The following C8orf34 variants were observed in gnomAD, a reference collection of about 807,000 sequenced individuals.
C8orf34 encodes chromosome 8 open reading frame 34.
C8orf34 carries 65 observed loss-of-function variants against 68.3 expected under a neutral mutation model. The ratio of observed to expected loss-of-function variants is 0.95; its 90% CI spans 0.78 to 1.17. The LOEUF (loss-of-function observed/expected upper bound fraction) is 1.17. C8orf34 is among the 50% of genes most tolerant of loss of function. C8orf34 has a pLI of 0.00. For missense variants in C8orf34, 664 were observed against 655.4 expected (o/e 1.01, Z -0.14); for synonymous variants, 244 against 241.2 (o/e 1.01, Z -0.11).
chr8:68,513,769 T>C (rs7821782), intron 5 of C8orf34, among the ~76,000 whole-genome samples: 26,984 of 152,132 alleles, frequency 0.18, 5,048 homozygotes, highest in African/African-American at 0.47. Flanking sequence ...AACCAGCCAG[T>C]TGGCTGTGTG....
intron 7 of C8orf34, among the ~76,000 whole-genome samples, chr8:68,573,524 C>A (rs763085310): frequency 6.6e-6 from 1 of 152,102 alleles, no homozygotes; most frequent in Admixed American, 6.6e-5. Flanking sequence ...GAGATTTATT[C>A]GTTGTACTAA....
chr8:68,731,463 G>A (rs576668320), intron 10 of C8orf34, among the ~76,000 whole-genome samples: 1 of 152,198 alleles, frequency 6.6e-6, no homozygotes, highest in Admixed American at 6.5e-5. Context: ...TGTTTATATT[G>A]AAAGGATGTT....
chr8:68,439,392 A>G (rs1810800712), intron 1 of C8orf34, 107 bp from the exon 2 acceptor site: 3 of 973,324 alleles, frequency 3.1e-6, no homozygotes, highest in South Asian at 3.5e-5. Flanking sequence ...GTTGCTGTAT[A>G]TAAAGCAGTT....
chr8:68,465,264 C>G (rs1191704305), intron 3 of C8orf34, among the ~76,000 whole-genome samples: 2 of 151,530 alleles, frequency 1.3e-5, no homozygotes, highest in Non-Finnish European at 2.9e-5. Context: ...CCATCTCACA[C>G]CAGTTAGAAT....
At position 68,373,075 on chromosome 8, in the gene C8orf34, A is replaced by G. The variant is rs547882878; in HGVS notation, c.327+41736A>G. Among the ~76,000 whole-genome samples, 10 of 152,246 alleles carry G rather than the reference A, an allele frequency of 6.6e-5. No homozygotes were observed. The East Asian group carries it at 1.9e-3, about 29-fold the overall frequency. ...CAATGGCGCAATCTCAGCTCACTGC[A>G]ACCTCCACCTCCTGCATTCAATCAA... On this transcript the variant is annotated intron_variant, in intron 1 of 13. Transcript: ENST00000518698.
chr8:68,430,338 G>A (rs1385945078), intron 1 of C8orf34, among the ~76,000 whole-genome samples: 2 of 152,068 alleles, frequency 1.3e-5, no homozygotes, highest in Non-Finnish European at 2.9e-5. Context: ...TCTTTATCTG[G>A]ATGTTCACTT....
intron 8 of C8orf34, among the ~76,000 whole-genome samples, chr8:68,703,188 C>T (rs773530769): frequency 1.3e-5 from 2 of 152,130 alleles, no homozygotes; most frequent in Non-Finnish European, 2.9e-5. Context: ...ATCATAGGCT[C>T]TGTGATAGGT....
chr8:68,554,317 A>G (rs1816181960), intron 7 of C8orf34, among the ~76,000 whole-genome samples: 1 of 152,078 alleles, frequency 6.6e-6, no homozygotes, highest in Non-Finnish European at 1.5e-5. Context: ...CTTCTGTGAG[A>G]AATTTTGCTT....
In C8orf34 at chr8:68,444,067, C is replaced by T. The variant is rs568540209; in HGVS notation, c.476-2262C>T. On this transcript the variant is annotated intron_variant, in intron 2 of 13. Transcript: ENST00000518698. ...TCTCTGTTTTTCTCATTTCATTTGGCATTGTGTTTGCTTTTCTTTGTTGAC... is the reference window on the plus strand; with the variant it reads ...TCTCTGTTTTTCTCATTTCATTTGGTATTGTGTTTGCTTTTCTTTGTTGAC... Among the ~76,000 whole-genome samples the T allele has an allele frequency of 2.6e-5, 4 of 152,076 alleles. No individual in the cohort carries two copies. The South Asian group carries it at 6.2e-4, about 24-fold the overall frequency.
intron 1 of C8orf34, among the ~76,000 whole-genome samples, chr8:68,432,240 T>G (rs748358267): frequency 3.3e-5 from 5 of 150,962 alleles, no homozygotes; most frequent in Non-Finnish European, 7.4e-5. Flanking sequence ...CTTAAATGTA[T>G]AGTGAATTAT....
At chr8:68,462,964 A>C (rs1435532914) in intron 3 of C8orf34, among the ~76,000 whole-genome samples, 2 of 152,188 alleles carry the variant, frequency 1.3e-5, no homozygotes, top group Admixed American at 1.3e-4. Flanking sequence ...AAGGAAATAG[A>C]GACACAGAAA....
intron 7 of C8orf34, among the ~76,000 whole-genome samples, chr8:68,626,261 A>G (rs1459766754): frequency 6.6e-6 from 1 of 152,118 alleles, no homozygotes. Context: ...GAAAGAAAGG[A>G]ATGGGAGAGT....
At chr8:68,610,098 T>C (rs1471398095) in intron 7 of C8orf34, among the ~76,000 whole-genome samples, 17 of 152,216 alleles carry the variant, frequency 1.1e-4, no homozygotes, top group Non-Finnish European at 1.3e-4. Flanking sequence ...TTCTGATGTC[T>C]GCAGCAGTAT....
intron 4 of C8orf34, among the ~76,000 whole-genome samples, chr8:68,482,564 T>C (rs1211971706): frequency 6.6e-6 from 1 of 152,180 alleles, no homozygotes; most frequent in Non-Finnish European, 1.5e-5. Context: ...TATGAGCCAC[T>C]GTGCCCAGTC....
intron 12 of C8orf34, among the ~76,000 whole-genome samples, chr8:68,801,893 A>AC (rs1824336546): frequency 7.6e-6 from 1 of 131,582 alleles, no homozygotes; most frequent in Non-Finnish European, 1.6e-5. Flanking sequence ...TAATGCAGTA[A>AC]TTAAAAAAAA....
intron 1 of C8orf34, among the ~76,000 whole-genome samples, chr8:68,398,629 A>G (rs1808817802): frequency 6.6e-6 from 1 of 152,150 alleles, no homozygotes; most frequent in Non-Finnish European, 1.5e-5. Context: ...ATTATGTGGT[A>G]CATATTATGT....
intron 8 of C8orf34, among the ~76,000 whole-genome samples, chr8:68,690,217 G>T (rs1344972002): frequency 6.6e-6 from 1 of 151,810 alleles, no homozygotes; most frequent in Non-Finnish European, 1.5e-5. Context: ...TTTTATATGA[G>T]TGTTAGCGTT....
intron 10 of C8orf34, among the ~76,000 whole-genome samples, chr8:68,747,895 C>T (rs1822559125): frequency 6.6e-6 from 1 of 152,088 alleles, no homozygotes; most frequent in Admixed American, 6.5e-5. Flanking sequence ...CTTTAATGTT[C>T]ATATGGAATC....
intron 12 of C8orf34, among the ~76,000 whole-genome samples, chr8:68,803,316 G>C (rs998476739): frequency 1.3e-5 from 2 of 151,942 alleles, no homozygotes; most frequent in Non-Finnish European, 2.9e-5. Flanking sequence ...CTACTACATT[G>C]AGTTTATTGC....
Sources: gnomAD v4.1 joint callset for allele counts (sites outside exome capture counted in the v4.1 genomes callset) on GRCh38, gnomAD v4.1.1 for gene constraint, MANE v1.5 for transcripts, NCBI Gene and HGNC (gene_info 2026-07-23, HGNC 2026-07-21) for gene names.